Variants in COBLL1 observed in about 807,000 individuals in gnomAD.
The protein encoded by COBLL1 is cordon-bleu protein-like 1.
COBLL1 carries 50 observed loss-of-function variants against 94.8 expected under a neutral mutation model. That is an observed-to-expected ratio of 0.53 (90% CI 0.42 to 0.67). COBLL1 has a LOEUF of 0.67. COBLL1 is among the 30% of genes least tolerant of loss of function. The pLI is 0.00. For synonymous variants in COBLL1, 448 were observed against 473.8 expected (o/e 0.95, Z 0.71); for missense variants, 1,362 against 1,348.7 (o/e 1.01, Z -0.15).
chr2:164,812,334 G>A (rs1574633918), intron 2 of COBLL1, among the ~76,000 whole-genome samples: 3 of 151,842 alleles, frequency 2.0e-5, no homozygotes, highest in African/African-American at 7.3e-5. Context: ...TGAATTAACT[G>A]GCCTACCATG....
rs1683005927 is a variant in COBLL1, at chr2:164,680,804, G to C, written c.*5142C>G. 6.6e-6 allele frequency: 1 copy of C among 152,096 alleles called. No homozygotes were observed. Among genetic ancestry groups the C allele is most frequent in the Non-Finnish European group, 1.5e-5 (1 of 68,014 alleles). The allele number at this position is 152,096 out of a possible 1,614,324, so 9.4% of individuals were successfully genotyped here. On this transcript the variant is annotated 3_prime_UTR_variant, in exon 14 of 14. Transcript: ENST00000652658. ...AAGTTCAAATTTAACTGGGCATTCT[G>C]TATTTTATCTTGCAATCCTGTGAAA...
chr2:164,736,693 A>G (rs1686329278), intron 3 of COBLL1, among the ~76,000 whole-genome samples: 1 of 152,192 alleles, frequency 6.6e-6, no homozygotes, highest in Admixed American at 6.5e-5. Context: ...ATATCTCACT[A>G]TAATTGGGGC....
intron 2 of COBLL1, among the ~76,000 whole-genome samples, chr2:164,771,002 CATT>C (rs1438216029): frequency 6.6e-6 from 1 of 151,940 alleles, no homozygotes. Flanking sequence ...GCATAAAGAT[CATT>C]ATGTTCTATA....
intron 7 of COBLL1, among the ~76,000 whole-genome samples, chr2:164,720,890 A>G (rs1685409614): frequency 6.6e-6 from 1 of 152,150 alleles, no homozygotes; most frequent in African/African-American, 2.4e-5. Flanking sequence ...AACTTGACAA[A>G]AACATTATCC....
chr2:164,714,317 G>A lies in COBLL1; in HGVS notation c.996+7758C>T, dbSNP rs78845631. Among the ~76,000 whole-genome samples the A allele has an allele frequency of 7.6e-5, 11 of 145,564 alleles. No individual in the cohort carries two copies. In the East Asian group the frequency reaches 1.8e-3, roughly 24 times the overall value. The stretch of plus-strand genomic sequence containing the variant: ...TACTCATGATAATCCTCTGCATACA[G>A]CATTTAGTAAAAGCCCAATGATGAG... On this transcript the variant is annotated intron_variant, in intron 7 of 13. Coordinates refer to ENST00000652658, the MANE Select transcript of COBLL1 (RefSeq NM_001365672.2).
At chr2:164,676,999 T>C (rs1016845466), downstream of COBLL1, among the ~76,000 whole-genome samples, 2 of 152,204 alleles carry the variant, frequency 1.3e-5, no homozygotes, top group African/African-American at 4.8e-5. Flanking sequence ...AACTTACCTA[T>C]GTGTCCCTTG....
At chr2:164,662,830 C>T (rs548239421) in intron 2 of COBLL1, among the ~76,000 whole-genome samples, 10 of 152,270 alleles carry the variant, frequency 6.6e-5, no homozygotes, top group South Asian at 4.2e-4. Flanking sequence ...TCTTGCCTTC[C>T]GCCATAAGTC....
Position 164,766,265 on chromosome 2 carries a change from C to T in COBLL1, c.42-22390G>A, listed in dbSNP as rs80060998. Among the ~76,000 whole-genome samples, 794 of 152,284 alleles carry T rather than the reference C, an allele frequency of 5.2e-3. 12 individuals carry two copies. Among genetic ancestry groups the T allele is most frequent in the African/African-American group, 0.018 (732 of 41,550 alleles). ...CTGCTATGAACACTCACATACAAAT[C>T]TTTGCATATACCCTTTTTTGTATGT... On this transcript the variant is annotated intron_variant, in intron 2 of 13. Coordinates refer to ENST00000652658, the MANE Select transcript of COBLL1 (RefSeq NM_001365672.2).
In COBLL1 at chr2:164,699,522, T is replaced by TTA. The variant is rs748407404; in HGVS notation, c.1461-25_1461-24dup. 11 of 1,411,932 alleles carry TTA rather than the reference T, an allele frequency of 7.8e-6. No homozygotes were observed. In the East Asian group the frequency reaches 2.5e-4, roughly 32 times the overall value. 87.5% of individuals were successfully genotyped at this position (1,411,932 alleles called of 1,614,324 possible). A position where few individuals can be genotyped will look rare whatever the true frequency, so the allele number is the denominator to read the frequency against. On this transcript the variant is annotated intron_variant, in intron 10 of 13. Transcript: ENST00000652658. The stretch of plus-strand genomic sequence containing the variant: ...TCTCTGGAAGATACGACATTGTATG[T>TTA]TATATGTTGATACTATTGAAACACA...
intron 2 of COBLL1, among the ~76,000 whole-genome samples, chr2:164,658,215 G>T (rs1212144139): frequency 4.6e-5 from 7 of 152,030 alleles, no homozygotes; most frequent in Middle Eastern, 3.2e-3. Flanking sequence ...ATTCTTAGTC[G>T]GCCTAGGAAA....
chr2:164,691,887 C>A (rs1161192977), intron 13 of COBLL1, among the ~76,000 whole-genome samples: 1 of 151,952 alleles, frequency 6.6e-6, no homozygotes, highest in Non-Finnish European at 1.5e-5. Context: ...ACTAATGTAC[C>A]TTTTTTGGAA....
chr2:164,750,540 C>A (rs1687074618), intron 2 of COBLL1, among the ~76,000 whole-genome samples: 1 of 152,170 alleles, frequency 6.6e-6, no homozygotes, highest in Non-Finnish European at 1.5e-5. Context: ...GCTTCAAAAG[C>A]CTTTTCACTG....
intron 2 of COBLL1, among the ~76,000 whole-genome samples, chr2:164,814,123 G>A (rs1684593634): frequency 6.6e-6 from 1 of 152,070 alleles, no homozygotes. Flanking sequence ...AATTTAAATA[G>A]ATGAATCAGA....
chr2:164,833,449 A>ATTTT (rs371370712), intron 2 of COBLL1, among the ~76,000 whole-genome samples: 23 of 138,478 alleles, frequency 1.7e-4, no homozygotes, highest in African/African-American at 5.6e-4. Context: ...CTGCCTTTAC[A>ATTTT]TTTTTTTTTT....
In COBLL1 at chr2:164,665,339, AAAGAAAG is replaced by A. The variant is rs1292567798; in HGVS notation, n.181+501_181+507del. Among the ~76,000 whole-genome samples the A allele has an allele frequency of 3.5e-5, 5 of 143,898 alleles. No homozygotes were observed. The East Asian group carries it at 1.0e-3, about 30-fold the overall frequency. The allele number at this position is 143,898 out of a possible 152,430, so 94.4% of individuals were successfully genotyped here. A position where few individuals can be genotyped will look rare whatever the true frequency, so the allele number is the denominator to read the frequency against. On this transcript the variant is annotated intron_variant and non_coding_transcript_variant, in intron 2 of 2. Transcript: ENST00000495084. ...GAGCAAGATTCTGTGTCAAAAAAAA[AAAGAAAG>A]AAAGAAAGAAAGAAAGAAAGAATGA...
rs143505097 is a variant in COBLL1, at chr2:164,801,438, C to CAAAAAAAAAAAAA, written c.41+39705_41+39717dup. Among the ~76,000 whole-genome samples, 9 of 28,210 alleles carry CAAAAAAAAAAAAA rather than the reference C, an allele frequency of 3.2e-4. 1 individual carries two copies. Among genetic ancestry groups the CAAAAAAAAAAAAA allele is most frequent in the African/African-American group, 1.1e-3 (9 of 8,000 alleles). 18.5% of individuals were successfully genotyped at this position (28,210 alleles called of 152,430 possible). A position where few individuals can be genotyped will look rare whatever the true frequency, so the allele number is the denominator to read the frequency against. On this transcript the variant is annotated intron_variant, in intron 2 of 13. Coordinates refer to ENST00000652658, the MANE Select transcript of COBLL1 (RefSeq NM_001365672.2). ...TGGGCGACAGAGCGAGACTCCGTCT[C>CAAAAAAAAAAAAA]AAAAAAAAAAAAAAAAAAAAAAAAA...
At chr2:164,787,847 C>G (rs1041768506) in intron 2 of COBLL1, among the ~76,000 whole-genome samples, 2 of 152,196 alleles carry the variant, frequency 1.3e-5, no homozygotes, top group African/African-American at 4.8e-5. Context: ...AACGTAAACC[C>G]TGCAAAATTA....
chr2:164,835,266 C>T (rs1471628416), intron 2 of COBLL1, among the ~76,000 whole-genome samples: 4 of 152,102 alleles, frequency 2.6e-5, no homozygotes, highest in Non-Finnish European at 5.9e-5. Flanking sequence ...GTGAACACAA[C>T]CCAAGTATCC....
chr2:164,749,437 T>C (rs1001115523), intron 2 of COBLL1, among the ~76,000 whole-genome samples: 7 of 152,066 alleles, frequency 4.6e-5, no homozygotes, highest in Non-Finnish European at 1.0e-4. Flanking sequence ...CAATCAAACA[T>C]AGATAGGATT....
Sources: gnomAD v4.1 joint callset for allele counts (sites outside exome capture counted in the v4.1 genomes callset) on GRCh38, gnomAD v4.1.1 for gene constraint, MANE v1.5 for transcripts, NCBI Gene and HGNC (gene_info 2026-07-23, HGNC 2026-07-21) for gene names.